The following PUS7 variants were observed in gnomAD, a reference collection of about 807,000 sequenced individuals.
PUS7 encodes pseudouridylate synthase 7 homolog.
Under a neutral mutation model 79.8 loss-of-function variants are expected in PUS7, and 48 were observed. The ratio of observed to expected loss-of-function variants is 0.60; its 90% confidence interval spans 0.48 to 0.76. The LOEUF is 0.76. PUS7 is among the 30% of genes least tolerant of loss of function. The probability of loss-of-function intolerance (pLI) is 0.00; values close to 1 mark genes in which losing one functional copy is unlikely to be tolerated. For synonymous variants in PUS7, 286 were observed against 272.2 expected (o/e 1.05, Z -0.50); for missense variants, 729 against 797.6 (o/e 0.91, Z 1.04).
At chr7:105,463,684 C>A (rs1473324869) in intron 13 of PUS7, among the ~76,000 whole-genome samples, 1 of 150,012 alleles carries the variant, frequency 6.7e-6, no homozygotes, top group Non-Finnish European at 1.5e-5. Flanking sequence ...TTATTTATTG[C>A]AAACTTGCCC....
chr7:105,467,313 A>G (rs1261837491), intron 12 of PUS7, among the ~76,000 whole-genome samples: 1 of 146,198 alleles, frequency 6.8e-6, no homozygotes, highest in Admixed American at 6.9e-5. Context: ...TTTTTTTGAG[A>G]CAGTCTCCCA....
chr7:105,492,398 C>T (rs1042632492), intron 6 of PUS7, among the ~76,000 whole-genome samples: 1 of 151,886 alleles, frequency 6.6e-6, no homozygotes, highest in Non-Finnish European at 1.5e-5. Context: ...AATCTTGGCT[C>T]ACTGCAACCT....
intron 7 of PUS7, among the ~76,000 whole-genome samples, chr7:105,486,203 C>T (rs1345274638): frequency 6.6e-6 from 1 of 151,958 alleles, no homozygotes; most frequent in Non-Finnish European, 1.5e-5. Flanking sequence ...CAGACGCCTG[C>T]CACCAAGCCC....
intron 9 of PUS7, among the ~76,000 whole-genome samples, chr7:105,479,869 A>G (rs1305290327): frequency 6.6e-6 from 1 of 152,058 alleles, no homozygotes; most frequent in Non-Finnish European, 1.5e-5. Context: ...GAGGTGGTGC[A>G]TGCCTGCAAT....
rs1826148096 is a variant in PUS7 at position 105,522,134 on chromosome 7, G to C, written c.-115C>G. The C allele has an allele frequency of 6.6e-6, 1 of 152,152 alleles. No individual in the cohort carries two copies. Among genetic ancestry groups the C allele is most frequent in the Non-Finnish European group, 1.5e-5 (1 of 68,072 alleles). The allele number at this position is 152,152 out of a possible 1,614,324, so 9.4% of individuals were successfully genotyped here. ...GGTTGGGACGCAAGAGAGCGGCGAA[G>C]GCCACTTGGATGAGCCAGCGGCTAG... is the stretch of plus-strand genomic sequence containing the variant. On this transcript the variant is annotated 5_prime_UTR_variant, in exon 1 of 16. Transcript: ENST00000469408.
chr7:105,479,807 G>A (rs922251400), intron 9 of PUS7, among the ~76,000 whole-genome samples: 3 of 152,098 alleles, frequency 2.0e-5, no homozygotes, highest in Non-Finnish European at 4.4e-5. Context: ...AGACCAGCCT[G>A]GCCAACATGA....
At chr7:105,465,498 G>T in intron 12 of PUS7, 84 bp from the exon 13 acceptor site, 1 of 1,036,066 alleles carries the variant, frequency 9.7e-7, no homozygotes, top group Non-Finnish European at 1.4e-6. Flanking sequence ...ATACATCTAA[G>T]CAAGTCAGAA....
At chr7:105,481,001 C>G (rs1586123274) in intron 9 of PUS7, 51 bp downstream of exon 9, 1 of 1,566,010 alleles carries the variant, frequency 6.4e-7, no homozygotes, top group Non-Finnish European at 8.7e-7. Context: ...CCAACAAACC[C>G]TGCTTTGTTT....
intron 1 of PUS7, among the ~76,000 whole-genome samples, chr7:105,516,615 A>G (rs1825905979): frequency 6.6e-6 from 1 of 151,874 alleles, no homozygotes; most frequent in Non-Finnish European, 1.5e-5. Flanking sequence ...TACCACGCCC[A>G]GCTAATTTTT....
At chr7:105,489,874 TGTGGGATGCTGAGGTGG>T (rs1824711442) in intron 7 of PUS7, among the ~76,000 whole-genome samples, 1 of 152,080 alleles carries the variant, frequency 6.6e-6, no homozygotes, top group Non-Finnish European at 1.5e-5. Context: ...ATCCCAACAC[TGTGGGATGCTGAGGTGG>T]GTGGATCACC....
At chr7:105,486,294 C>A (rs1824547182) in intron 7 of PUS7, among the ~76,000 whole-genome samples, 1 of 152,172 alleles carries the variant, frequency 6.6e-6, no homozygotes, top group Non-Finnish European at 1.5e-5. Context: ...CTCAAGTAAT[C>A]TGCCCGCCTT....
At chr7:105,467,018 A>G (rs1823669476) in intron 12 of PUS7, among the ~76,000 whole-genome samples, 1 of 145,746 alleles carries the variant, frequency 6.9e-6, no homozygotes, top group Non-Finnish European at 1.5e-5. Flanking sequence ...TAGAACTCTG[A>G]ATCCCAGTTT....
intron 13 of PUS7, among the ~76,000 whole-genome samples, chr7:105,463,748 T>C (rs755447219): frequency 5.3e-5 from 8 of 152,112 alleles, no homozygotes; most frequent in Non-Finnish European, 1.0e-4. Context: ...ATATAAGACA[T>C]TGAATATGAG....
Position 105,506,209 on chromosome 7 carries a change from A to AC in PUS7, c.462dup (p.Ser155ValfsTer6). On this transcript the variant is annotated frameshift_variant, in exon 3 of 16. Transcript: ENST00000469408. LOFTEE classifies it high-confidence loss of function. ...TCTACCTCCTCATCCACTGGAATGG[A>AC]CAAGTCATTCAAATGGCTGATCCGT... is the stretch of plus-strand genomic sequence containing the variant. The AC allele has an allele frequency of 1.9e-6, 3 of 1,613,290 alleles. No homozygotes were observed. Among genetic ancestry groups the AC allele is most frequent in the Non-Finnish European group, 2.5e-6 (3 of 1,179,570 alleles).
chr7:105,518,174 A>C (rs1156724875), intron 1 of PUS7, among the ~76,000 whole-genome samples: 1 of 151,494 alleles, frequency 6.6e-6, no homozygotes, highest in East Asian at 2.0e-4. Context: ...TAAGCCGGGC[A>C]AGGTGGCATG....
intron 4 of PUS7, among the ~76,000 whole-genome samples, chr7:105,504,811 G>A (rs1825389945): frequency 6.6e-6 from 1 of 152,038 alleles, no homozygotes; most frequent in Admixed American, 6.6e-5. Flanking sequence ...GATTTTTTCA[G>A]TAATGGAAGA....
intron 6 of PUS7, among the ~76,000 whole-genome samples, chr7:105,492,172 G>A (rs571061746): frequency 5.3e-4 from 81 of 152,194 alleles, no homozygotes; most frequent in African/African-American, 8.7e-4. Flanking sequence ...GAGGCCTGAG[G>A]CAGGAGGACT....
At position 105,465,404 on chromosome 7, in the gene PUS7, G is replaced by A. The variant is rs1563353908; in HGVS notation, c.1536C>T (p.Thr512=). The A allele has an allele frequency of 6.2e-7, 1 of 1,609,100 alleles. No homozygotes were observed. The highest frequency in any genetic ancestry group is 8.5e-7 in the Non-Finnish European group (1 of 1,176,500). ...TATTAACATCATCTTCCTCAATATA[G>A]GTGGCTGTGGCTGTAAATTCACAAG... ...GDLVLKGATA[T]YIEEDDVNNY... is the part of the protein sequence containing the mutation. The change falls in exon 13 of 16, where the codon ACC becomes ACT. Residue 512 remains threonine, a synonymous_variant. Coordinates refer to ENST00000469408, the MANE Select transcript of PUS7 (RefSeq NM_019042.5).
chr7:105,462,725 G>T lies in PUS7; in HGVS notation c.1653C>A (p.Leu551=). Residue 551 remains leucine (L), a synonymous_variant, in exon 14 of 16, where the codon CTC becomes CTA. Transcript: ENST00000469408. ...TGTCAATATCAAGATTGTCAGCTGT[G>T]AGCATTTCCCTGTAGGCTTCTTGAA... ...HKIQEAYREM[L]TADNLDIDNM... The T allele has an allele frequency of 1.2e-6, 2 of 1,613,324 alleles. No individual in the cohort carries two copies. The highest frequency in any genetic ancestry group is 1.7e-6 in the Non-Finnish European group (2 of 1,179,844).
Sources: allele counts gnomAD v4.1 joint callset (sites outside exome capture counted in the v4.1 genomes callset), GRCh38; gene constraint gnomAD v4.1.1; transcripts MANE v1.5; gene names NCBI Gene and HGNC (gene_info 2026-07-23, HGNC 2026-07-21).